The following EFCAB6 variants were observed in gnomAD, a reference collection of about 807,000 sequenced individuals.
The protein encoded by EFCAB6 is EF-hand calcium-binding domain-containing protein 6.
Under a neutral mutation model 169.8 loss-of-function variants are expected in EFCAB6, and 156 were observed. The observed-to-expected ratio is 0.92, with a 90% CI of 0.81 to 1.05. The LOEUF (loss-of-function observed/expected upper bound fraction) is 1.05. Among genes scored for constraint, EFCAB6 ranks in the 50% least tolerant of loss-of-function variants. EFCAB6 has a pLI of 0.00. For synonymous variants in EFCAB6, 698 were observed against 676.4 expected (o/e 1.03, Z -0.50); for missense variants, 1,800 against 1,829.1 (o/e 0.98, Z 0.29).
chr22:43,634,609 T>C (rs772545654), intron 18 of EFCAB6, among the ~76,000 whole-genome samples: 1 of 142,018 alleles, frequency 7.0e-6, no homozygotes, highest in Non-Finnish European at 1.5e-5. Flanking sequence ...GAAAGCAGCA[T>C]CACTGAGTGG....
intron 30 of EFCAB6, 67 bp from the exon 31 acceptor site, chr22:43,531,031 TCGCCTCGCCCC>T (rs907582700): frequency 2.4e-5 from 39 of 1,595,860 alleles, no homozygotes; most frequent in Middle Eastern, 2.1e-4. Flanking sequence ...GGGCTCCTCC[TCGCCTCGCCCC>T]CGCCTCGCCC....
chr22:43,633,091 C>T (rs1016158596), intron 18 of EFCAB6, among the ~76,000 whole-genome samples: 1 of 152,194 alleles, frequency 6.6e-6, no homozygotes, highest in Non-Finnish European at 1.5e-5. Flanking sequence ...ATGCACTTTA[C>T]CTAGGGGGTG....
intron 7 of EFCAB6, 122 bp from the exon 8 acceptor site, chr22:43,731,933 G>A (rs1242663833): frequency 1.1e-5 from 6 of 526,418 alleles, no homozygotes; most frequent in South Asian, 4.9e-5. Flanking sequence ...TAGCTACAGA[G>A]GGAATTAAAA....
At chr22:43,718,120 T>C (rs895578707) in intron 8 of EFCAB6, among the ~76,000 whole-genome samples, 7 of 151,958 alleles carry the variant, frequency 4.6e-5, no homozygotes, top group African/African-American at 1.7e-4. Flanking sequence ...GAGAGGATAC[T>C]ACACGAAAAA....
At chr22:43,753,842 A>G (rs1036186502) in intron 6 of EFCAB6, among the ~76,000 whole-genome samples, 8 of 152,240 alleles carry the variant, frequency 5.3e-5, no homozygotes, top group African/African-American at 1.7e-4. Context: ...AGACATCTGC[A>G]TGCATTCTTG....
At chr22:43,686,200 G>A (rs2058188990) in intron 11 of EFCAB6, among the ~76,000 whole-genome samples, 3 of 152,164 alleles carry the variant, frequency 2.0e-5, no homozygotes, top group South Asian at 2.1e-4. Flanking sequence ...GGCTGGTCTC[G>A]AACTCCTGAC....
chr22:43,737,811 TCACA>T (rs139438368), intron 6 of EFCAB6, among the ~76,000 whole-genome samples: 12,345 of 143,740 alleles, frequency 0.086, 640 homozygotes, highest in South Asian at 0.21. Context: ...GTGCATATAC[TCACA>T]CACACTCACA....
rs1368634667 is a variant in EFCAB6 at position 43,534,083 on chromosome 22, T to C, written c.4233+605A>G. Among the ~76,000 whole-genome samples the C allele has an allele frequency of 4.6e-5, 7 of 152,310 alleles. No individual in the cohort carries two copies. In the South Asian group the frequency reaches 1.5e-3, roughly 32 times the overall value. ...GCCTGGGCAACATGGCAAAACTCTG[T>C]GCTATGGTTTGACTCTGTGTCTCCA... On this transcript the variant is annotated intron_variant, in intron 30 of 31. Transcript: ENST00000262726.
At chr22:43,591,104 GTTTTTTGTT>G (rs1158255405) in intron 23 of EFCAB6, among the ~76,000 whole-genome samples, 3 of 104,380 alleles carry the variant, frequency 2.9e-5, no homozygotes, top group Admixed American at 1.2e-4. Flanking sequence ...GTTGTTTTTT[GTTTTTTGTT>G]TTTTTTTTTT....
At chr22:43,562,361 G>A (rs889953775) in intron 26 of EFCAB6, among the ~76,000 whole-genome samples, 3 of 152,176 alleles carry the variant, frequency 2.0e-5, no homozygotes, top group African/African-American at 7.2e-5. Context: ...CCACTTTGAT[G>A]GGGTGCTTCT....
intron 7 of EFCAB6, among the ~76,000 whole-genome samples, chr22:43,732,304 T>C (rs2059982260): frequency 6.6e-6 from 1 of 151,978 alleles, no homozygotes; most frequent in Admixed American, 6.6e-5. Flanking sequence ...ATATCCTTTC[T>C]CTAGAGAGAA....
intron 6 of EFCAB6, among the ~76,000 whole-genome samples, chr22:43,748,639 G>A (rs1012170491): frequency 6.6e-6 from 1 of 151,958 alleles, no homozygotes; most frequent in Non-Finnish European, 1.5e-5. Context: ...GTGTATATCC[G>A]GCTCTAGGAA....
intron 25 of EFCAB6, among the ~76,000 whole-genome samples, chr22:43,577,592 G>C (rs1036056794): frequency 1.3e-5 from 2 of 152,102 alleles, no homozygotes; most frequent in Admixed American, 6.5e-5. Flanking sequence ...TAACTCAGAG[G>C]GCAGGTGTAA....
At chr22:43,589,040 C>A (rs1363074975) in intron 24 of EFCAB6, among the ~76,000 whole-genome samples, 1 of 151,752 alleles carries the variant, frequency 6.6e-6, no homozygotes, top group Non-Finnish European at 1.5e-5. Context: ...AAGAGTTAAA[C>A]CCACATTTTC....
intron 3 of EFCAB6, among the ~76,000 whole-genome samples, chr22:43,777,439 G>C (rs1054197890): frequency 6.6e-6 from 1 of 152,206 alleles, no homozygotes; most frequent in Admixed American, 6.5e-5. Context: ...TGAGGGGGAA[G>C]AAGGAACTTA....
intron 2 of EFCAB6, among the ~76,000 whole-genome samples, chr22:43,806,861 C>T (rs1408152071): frequency 6.6e-6 from 1 of 152,200 alleles, no homozygotes; most frequent in African/African-American, 2.4e-5. Context: ...TATAGGTGTG[C>T]TTTGCTAATT....
At chr22:43,760,814 C>T (rs2061137943) in intron 5 of EFCAB6, among the ~76,000 whole-genome samples, 1 of 152,172 alleles carries the variant, frequency 6.6e-6, no homozygotes, top group Non-Finnish European at 1.5e-5. Context: ...AGGCACGCGC[C>T]ACCACATGCG....
rs1026369061 is a variant in EFCAB6, at chr22:43,616,477, C to T, written c.2466-555G>A. ...CAGGACTTCGAGATCAGGCTGGCCA[C>T]CATGGTGAAACCCCGTCTCTACTAA... On this transcript the variant is annotated intron_variant, in intron 20 of 31. Coordinates refer to ENST00000262726, the MANE Select transcript of EFCAB6 (RefSeq NM_022785.4). Among the ~76,000 whole-genome samples, 3 of 151,994 alleles carry T rather than the reference C, an allele frequency of 2.0e-5. No individual in the cohort carries two copies. In the East Asian group the frequency reaches 5.8e-4, roughly 29 times the overall value.
chr22:43,627,323 G>A (rs777415167), intron 19 of EFCAB6, among the ~76,000 whole-genome samples: 25 of 152,174 alleles, frequency 1.6e-4, no homozygotes, highest in Non-Finnish European at 2.5e-4. Context: ...GTGATGGAGC[G>A]TGCACTCTGC....
Sources: gnomAD v4.1 joint callset for allele counts (sites outside exome capture counted in the v4.1 genomes callset) on GRCh38, gnomAD v4.1.1 for gene constraint, MANE v1.5 for transcripts, NCBI Gene and HGNC (gene_info 2026-07-23, HGNC 2026-07-21) for gene names.